DLC1: variants seen among roughly 807,000 people sequenced by gnomAD.
The protein encoded by DLC1 is DLC1 Rho GTPase activating protein, also known as rho GTPase-activating protein 7.
DLC1 carries 54 observed loss-of-function variants against 140.3 expected under a neutral mutation model. The observed-to-expected ratio is 0.38, with a 90% CI of 0.31 to 0.48. The LOEUF (loss-of-function observed/expected upper bound fraction) is 0.48. DLC1 is among the 20% of genes least tolerant of loss of function. The probability of loss-of-function intolerance (pLI) is 0.96; values close to 1 mark genes in which losing one functional copy is unlikely to be tolerated. For synonymous variants in DLC1, 986 were observed against 728.1 expected, an observed-to-expected ratio of 1.35 and a Z score of -5.70; for missense variants, 2,536 against 1,907.0, an observed-to-expected ratio of 1.33 and a Z score of -6.14.
intron 2 of DLC1, among the ~76,000 whole-genome samples, chr8:13,459,613 C>G (rs1224468846): frequency 6.6e-6 from 1 of 152,082 alleles, no homozygotes; most frequent in Non-Finnish European, 1.5e-5. Flanking sequence ...GCCCTGGGCC[C>G]CAGGACCCCC....
chr8:13,382,668 A>C (rs998292793), intron 4 of DLC1, among the ~76,000 whole-genome samples: 7 of 152,178 alleles, frequency 4.6e-5, no homozygotes, highest in African/African-American at 1.7e-4. Context: ...ACAATGAAAA[A>C]CAAATGTAGA....
At chr8:13,110,858 G>C in intron 6 of DLC1, 35 bp from the exon 7 acceptor site, 3 of 1,603,182 alleles carry the variant, frequency 1.9e-6, no homozygotes, top group Non-Finnish European at 2.6e-6. Context: ...TTTGTTGAGC[G>C]CCTAAAACCC....
chr8:13,401,498 G>T lies in DLC1; in HGVS notation c.1145C>A (p.Thr382Lys), dbSNP rs1285427157. The change falls in exon 3 of 18, where the codon ACA becomes AAA. Residue 382 changes from threonine to lysine, a missense_variant. Coordinates refer to ENST00000276297, the MANE Select transcript of DLC1 (RefSeq NM_182643.3). ...AACGTGCCGCCGCAGGTTTGTTGGT[G>T]TGCCTGATGGAGAGGAGCTGGTGCT... ...ALSTSSSPSG[T>K]PTNLRRHVPD... The T allele has an allele frequency of 1.2e-6, 2 of 1,612,568 alleles. No homozygotes were observed. Among genetic ancestry groups the T allele is most frequent in the African/African-American group, 2.7e-5 (2 of 74,864 alleles).
chr8:13,539,341 A>G (rs749523891), intron 1 of DLC1, among the ~76,000 whole-genome samples: 8 of 152,102 alleles, frequency 5.3e-5, no homozygotes, highest in Admixed American at 1.3e-4. Context: ...CTGGGACTAC[A>G]GGTGCACGCC....
intron 5 of DLC1, among the ~76,000 whole-genome samples, chr8:13,163,594 C>T (rs1024815318): frequency 6.6e-6 from 1 of 152,082 alleles, no homozygotes; most frequent in South Asian, 2.1e-4. Flanking sequence ...GTGGCTAAAA[C>T]AGCAGGAATC....
intron 2 of DLC1, among the ~76,000 whole-genome samples, chr8:13,433,418 T>C (rs750532693): frequency 6.6e-5 from 10 of 152,180 alleles, no homozygotes; most frequent in Non-Finnish European, 1.3e-4. Flanking sequence ...AGAAAAAGCA[T>C]GGATTAACAG....
chr8:13,102,572 A>C (rs151034801), intron 8 of DLC1, among the ~76,000 whole-genome samples: 3 of 152,228 alleles, frequency 2.0e-5, no homozygotes, highest in African/African-American at 7.2e-5. Context: ...TGATGTGATC[A>C]GGTCAAAAAC....
intron 5 of DLC1, among the ~76,000 whole-genome samples, chr8:13,290,971 C>T (rs1349180775): frequency 3.3e-5 from 5 of 152,090 alleles, no homozygotes; most frequent in Non-Finnish European, 5.9e-5. Context: ...TGCAATGGCG[C>T]GATCTTGGCT....
At chr8:13,162,768 C>T (rs558569999) in intron 5 of DLC1, among the ~76,000 whole-genome samples, 101 of 152,212 alleles carry the variant, frequency 6.6e-4, no homozygotes, top group African/African-American at 2.2e-3. Flanking sequence ...AGTGAGACCC[C>T]GTCTTTACGC....
At chr8:13,444,766 GGAT>G (rs1798701435) in intron 2 of DLC1, among the ~76,000 whole-genome samples, 1 of 152,110 alleles carries the variant, frequency 6.6e-6, no homozygotes, top group Non-Finnish European at 1.5e-5. Flanking sequence ...AAGAGATTCA[GGAT>G]GATGATTTTT....
chr8:13,581,844 T>G (rs1247215773), intron 1 of DLC1, among the ~76,000 whole-genome samples: 2 of 152,172 alleles, frequency 1.3e-5, no homozygotes, highest in South Asian at 2.1e-4. Flanking sequence ...TCTTCATGTT[T>G]TCGGTTTTGT....
intron 2 of DLC1, among the ~76,000 whole-genome samples, chr8:13,470,294 A>G (rs992300961): frequency 5.3e-5 from 8 of 152,218 alleles, no homozygotes; most frequent in Non-Finnish European, 1.2e-4. Context: ...ACAGATTGGG[A>G]GAAAATACTT....
chr8:13,387,990 A>C (rs1586254561), intron 4 of DLC1, among the ~76,000 whole-genome samples: 1 of 152,178 alleles, frequency 6.6e-6, no homozygotes, highest in African/African-American at 2.4e-5. Context: ...GAAATGTGTA[A>C]ATGTATACAT....
chr8:13,458,247 G>GT (rs1799501905), intron 2 of DLC1, among the ~76,000 whole-genome samples: 1 of 152,128 alleles, frequency 6.6e-6, no homozygotes, highest in Admixed American at 6.5e-5. Context: ...CATTAGTTGT[G>GT]TAACTTTGAT....
intron 2 of DLC1, among the ~76,000 whole-genome samples, chr8:13,413,351 C>G (rs747990052): frequency 7.1e-6 from 1 of 139,980 alleles, no homozygotes; most frequent in Non-Finnish European, 1.5e-5. Flanking sequence ...CCAATGTGGC[C>G]CGGGGAAGCC....
At position 13,221,944 on chromosome 8, in the gene DLC1, TTATC is replaced by T. The variant is rs563971777; in HGVS notation, c.1348+83321_1348+83324del. ...TAAAAAGTTATATATAATATATAAA[TTATC>T]TATATTTTATATAACATATATAATT... On this transcript the variant is annotated intron_variant, in intron 5 of 17. Coordinates refer to ENST00000276297, the MANE Select transcript of DLC1 (RefSeq NM_182643.3). Among the ~76,000 whole-genome samples, 573 of 145,230 alleles carry T rather than the reference TTATC, an allele frequency of 3.9e-3. 4 individuals carry two copies. The highest frequency in any genetic ancestry group is 0.013 in the African/African-American group (503 of 40,064).
chr8:13,480,619 T>C (rs1416323841), intron 2 of DLC1, among the ~76,000 whole-genome samples: 3 of 152,052 alleles, frequency 2.0e-5, no homozygotes, highest in East Asian at 1.9e-4. Context: ...AAATGCAAAA[T>C]TCATACAACC....
intron 5 of DLC1, among the ~76,000 whole-genome samples, chr8:13,127,149 T>C (rs1821650156): frequency 6.6e-6 from 1 of 152,232 alleles, no homozygotes; most frequent in Admixed American, 6.5e-5. Flanking sequence ...AGCTAAGGAA[T>C]TATTTTCACC....
intron 5 of DLC1, among the ~76,000 whole-genome samples, chr8:13,190,219 G>C (rs1826666203): frequency 6.6e-6 from 1 of 152,150 alleles, no homozygotes; most frequent in Non-Finnish European, 1.5e-5. Context: ...CTTTATCCAA[G>C]GTGGTACTGG....
Sources: allele counts gnomAD v4.1 joint callset (sites outside exome capture counted in the v4.1 genomes callset), GRCh38; gene constraint gnomAD v4.1.1; transcripts MANE v1.5; gene names NCBI Gene and HGNC (gene_info 2026-07-23, HGNC 2026-07-21).